CEACAM21: variants seen among roughly 807,000 people sequenced by gnomAD.
CEACAM21 encodes cell adhesion molecule CEACAM21.
CEACAM21 carries 38 observed loss-of-function variants against 33.2 expected under a neutral mutation model. The ratio of observed to expected loss-of-function variants is 1.14; its 90% CI spans 0.88 to 1.50. The LOEUF is 1.50. Among genes scored for constraint, CEACAM21 ranks in the 40% most tolerant of loss-of-function variants. The probability of loss-of-function intolerance (pLI) is 0.00; values close to 1 mark genes in which losing one functional copy is unlikely to be tolerated. For synonymous variants in CEACAM21, 156 were observed against 143.0 expected, an observed-to-expected ratio of 1.09 and a Z score of -0.65; for missense variants, 385 against 364.6, an observed-to-expected ratio of 1.06 and a Z score of -0.46.
rs184087036 is a variant in CEACAM21, at chr19:41,566,800, T to C, written c.-404+1744T>C. Reference sequence around the variant, plus strand: ...AAATTTTGTTATTGTTGTCAGTAAATAAAAATTATCAACTGTCTTTTTAAT... The same window carrying C: ...AAATTTTGTTATTGTTGTCAGTAAACAAAAATTATCAACTGTCTTTTTAAT... On this transcript the variant is annotated intron_variant, in intron 2 of 7. Coordinates refer to the CEACAM21 transcript ENST00000407170. Among the ~76,000 whole-genome samples the C allele has an allele frequency of 2.5e-3, 383 of 152,312 alleles. 1 individual carries two copies. The highest frequency in any genetic ancestry group is 8.9e-3 in the African/African-American group (371 of 41,574).
chr19:41,572,822 T>C (rs2042698076), upstream of CEACAM21, among the ~76,000 whole-genome samples: 1 of 152,150 alleles, frequency 6.6e-6, no homozygotes, highest in South Asian at 2.1e-4. Context: ...TTGGAGGTGC[T>C]TTCTCACGAG....
chr19:41,585,588 C>A (rs892272911), intron 5 of CEACAM21, 93 bp downstream of exon 5: 2 of 1,380,246 alleles, frequency 1.4e-6, no homozygotes, highest in Non-Finnish European at 2.1e-6. Context: ...GCCTCTGACC[C>A]TATCCCTGGG....
At chr19:41,560,413 G>A (rs1317476314) in intron 1 of CEACAM21, among the ~76,000 whole-genome samples, 3 of 151,994 alleles carry the variant, frequency 2.0e-5, no homozygotes, top group African/African-American at 7.3e-5. Flanking sequence ...TAGAGATGGG[G>A]GTCTCACTAT....
chr19:41,566,016 G>C lies in CEACAM21; in HGVS notation c.-404+960G>C, dbSNP rs564435384. ...ATTGATGGCTGAACTCTCATGAAAA[G>C]GGTGCAGTCAGAGAACAAGAAAGAG... is the stretch of plus-strand genomic sequence containing the variant. On this transcript the variant is annotated intron_variant, in intron 2 of 7. Transcript: ENST00000407170. Among the ~76,000 whole-genome samples, 22 of 152,150 alleles carry C rather than the reference G, an allele frequency of 1.4e-4. No homozygotes were observed. The South Asian group carries it at 4.6e-3, about 32-fold the overall frequency.
intron 1 of CEACAM21, among the ~76,000 whole-genome samples, chr19:41,553,436 G>A (rs902960562): frequency 3.3e-5 from 5 of 152,018 alleles, no homozygotes; most frequent in Non-Finnish European, 7.4e-5. Context: ...GACAAATTAC[G>A]ACAGGACCAA....
chr19:41,578,549 C>T (rs2043128528), intron 2 of CEACAM21, among the ~76,000 whole-genome samples: 1 of 152,180 alleles, frequency 6.6e-6, no homozygotes, highest in South Asian at 2.1e-4. Context: ...TGGCCACCAC[C>T]GTGGGGCATC....
intron 1 of CEACAM21, among the ~76,000 whole-genome samples, chr19:41,559,148 C>T (rs1303131208): frequency 6.6e-6 from 1 of 152,208 alleles, no homozygotes; most frequent in Non-Finnish European, 1.5e-5. Context: ...TTAAAGCACA[C>T]ATGGAAAACT....
intron 1 of CEACAM21, among the ~76,000 whole-genome samples, chr19:41,553,276 T>G (rs2041335246): frequency 6.6e-6 from 1 of 151,836 alleles, no homozygotes; most frequent in Admixed American, 6.6e-5. Context: ...GGCTCATTTT[T>G]GTATTTTTGT....
chr19:41,561,691 T>G (rs2041892678), intron 1 of CEACAM21, among the ~76,000 whole-genome samples: 4 of 152,168 alleles, frequency 2.6e-5, no homozygotes, highest in Admixed American at 2.0e-4. Context: ...TATTTAATAT[T>G]TAAGACAGCG....
intron 1 of CEACAM21, chr19:41,551,387 G>C (rs782105133): frequency 6.6e-6 from 1 of 152,212 alleles, no homozygotes; most frequent in Non-Finnish European, 1.5e-5. Flanking sequence ...TCGAACTCCC[G>C]ACCTCAGGTG....
At chr19:41,574,201 A>G (rs534208879), upstream of CEACAM21, among the ~76,000 whole-genome samples, 4 of 152,338 alleles carry the variant, frequency 2.6e-5, no homozygotes, top group South Asian at 6.2e-4. Context: ...TTAACTCAAA[A>G]TGTTTCAAAA....
At position 41,579,410 on chromosome 19, in the gene CEACAM21, C is replaced by T. The variant is rs368319531; in HGVS notation, c.482C>T (p.Ser161Phe). The change falls in exon 3 of 7, where the codon TCC (serine) becomes TTC (phenylalanine). Residue 161 changes from serine (S) to phenylalanine (F), a missense_variant. Physicochemically the swap from Ser to Phe is radical, Grantham distance 155. Transcript: ENST00000401445. ...AGCACCACAGTCACAGAGAAGGGCT[C>T]CGTGGTCCTGACCTGCCACACAAAT... ...ASSTTVTEKG[S>F]VVLTCHTNNT... The T allele has an allele frequency of 1.2e-6, 2 of 1,613,804 alleles. No homozygotes were observed. Among genetic ancestry groups the T allele is most frequent in the African/African-American group, 2.7e-5 (2 of 74,864 alleles).
chr19:41,567,790 C>T (rs998643019), intron 2 of CEACAM21, among the ~76,000 whole-genome samples: 22 of 151,906 alleles, frequency 1.4e-4, no homozygotes, highest in African/African-American at 4.6e-4. Context: ...CAAACAATCT[C>T]GCTAGATCTC....
intron 2 of CEACAM21, among the ~76,000 whole-genome samples, chr19:41,565,259 C>G (rs1465319023): frequency 6.6e-6 from 1 of 152,018 alleles, no homozygotes; most frequent in African/African-American, 2.4e-5. Context: ...CACCGCTACT[C>G]CAGGAGGCAC....
chr19:41,572,563 G>A (rs113076087), upstream of CEACAM21, among the ~76,000 whole-genome samples: 83 of 152,212 alleles, frequency 5.5e-4, no homozygotes, highest in Admixed American at 1.3e-3. Context: ...CTCGCCCAAT[G>A]TTCACTCAAA....
chr19:41,563,262 C>G (rs1555787349), intron 1 of CEACAM21, among the ~76,000 whole-genome samples: 1 of 152,130 alleles, frequency 6.6e-6, no homozygotes, highest in Non-Finnish European at 1.5e-5. Context: ...CTGTTGCTCT[C>G]CAAGGGGCAG....
intron 3 of CEACAM21, among the ~76,000 whole-genome samples, chr19:41,581,317 C>A (rs182501296): frequency 6.6e-6 from 1 of 152,310 alleles, no homozygotes; most frequent in African/African-American, 2.4e-5. Flanking sequence ...TCGGCCCATC[C>A]CTTGGTTTCC....
chr19:41,581,094 A>G (rs2043341378), intron 3 of CEACAM21, among the ~76,000 whole-genome samples: 1 of 152,266 alleles, frequency 6.6e-6, no homozygotes, highest in South Asian at 2.1e-4. Flanking sequence ...GGTCATAAAC[A>G]AAATCTCTGC....
intron 1 of CEACAM21, among the ~76,000 whole-genome samples, chr19:41,550,869 T>C (rs782515238): frequency 1.3e-5 from 2 of 152,240 alleles, no homozygotes; most frequent in Non-Finnish European, 2.9e-5. Context: ...TTTTTTCTAC[T>C]GAATGGATGA....
Sources: allele counts gnomAD v4.1 joint callset (sites outside exome capture counted in the v4.1 genomes callset), GRCh38; gene constraint gnomAD v4.1.1; transcripts MANE v1.5; gene names NCBI Gene and HGNC (gene_info 2026-07-23, HGNC 2026-07-21).